PBX3: variants seen among roughly 807,000 people sequenced by gnomAD.
PBX3 encodes the protein pre-B-cell leukemia transcription factor 3.
In PBX3, 14 loss-of-function variants were observed where a neutral mutation model predicts 48.5. That is an observed-to-expected ratio of 0.29 (90% CI 0.19 to 0.45). The LOEUF (loss-of-function observed/expected upper bound fraction) is 0.45, where lower values mean the gene tolerates loss of function less well. PBX3 is among the 20% of genes least tolerant of loss of function. PBX3 has a pLI of 1.00. For missense variants in PBX3, 386 were observed against 546.7 expected (o/e 0.71, Z 2.93); for synonymous variants, 210 against 200.3 (o/e 1.05, Z -0.41).
intron 5 of PBX3, among the ~76,000 whole-genome samples, chr9:125,955,634 G>A (rs1842289490): frequency 6.6e-6 from 1 of 152,156 alleles, no homozygotes; most frequent in Non-Finnish European, 1.5e-5. Flanking sequence ...TTCAATAAAA[G>A]CACTATGGAA....
At chr9:125,840,515 A>G (rs1007166339) in intron 2 of PBX3, among the ~76,000 whole-genome samples, 20 of 151,502 alleles carry the variant, frequency 1.3e-4, no homozygotes, top group South Asian at 6.2e-4. Flanking sequence ...CACACCTTCC[A>G]TCCCTTAGCT....
intron 3 of PBX3, among the ~76,000 whole-genome samples, chr9:125,929,015 A>G (rs564619141): frequency 6.6e-6 from 1 of 152,286 alleles, no homozygotes; most frequent in East Asian, 1.9e-4. Context: ...CTTGCAACAT[A>G]CTGTTATTTC....
chr9:125,871,447 A>C (rs1840123513), intron 2 of PBX3, among the ~76,000 whole-genome samples: 1 of 152,182 alleles, frequency 6.6e-6, no homozygotes, highest in Non-Finnish European at 1.5e-5. Context: ...ACAATAATGA[A>C]TAGGTCAACA....
chr9:125,788,343 A>G (rs569515574), intron 2 of PBX3, among the ~76,000 whole-genome samples: 3 of 152,342 alleles, frequency 2.0e-5, no homozygotes, highest in African/African-American at 4.8e-5. Context: ...GATAATTGAT[A>G]TAGTGTGCTC....
chr9:125,923,076 A>G (rs1371873999), intron 3 of PBX3, among the ~76,000 whole-genome samples: 1 of 152,262 alleles, frequency 6.6e-6, no homozygotes, highest in Non-Finnish European at 1.5e-5. Flanking sequence ...CAGCATTTGC[A>G]TTCATAGATG....
intron 2 of PBX3, among the ~76,000 whole-genome samples, chr9:125,846,413 A>G (rs919853348): frequency 3.3e-5 from 5 of 152,104 alleles, no homozygotes; most frequent in Non-Finnish European, 5.9e-5. Flanking sequence ...GAGCTTAAAA[A>G]GATTTATTTT....
At chr9:125,875,418 T>C (rs919694346) in intron 2 of PBX3, among the ~76,000 whole-genome samples, 4 of 152,154 alleles carry the variant, frequency 2.6e-5, no homozygotes, top group Non-Finnish European at 5.9e-5. Context: ...GACATTTCAG[T>C]TGTCTTTTGG....
rs1842541257 is a variant in PBX3 at position 125,966,722 on chromosome 9, T to C, written c.*799T>C. 6.6e-6 allele frequency: 1 copy of C among 152,666 alleles called. No individual in the cohort carries two copies. Among genetic ancestry groups the C allele is most frequent in the Non-Finnish European group, 1.5e-5 (1 of 68,068 alleles). 9.5% of individuals were successfully genotyped at this position (152,666 alleles called of 1,614,324 possible). On this transcript the variant is annotated 3_prime_UTR_variant, in exon 9 of 9. Coordinates refer to ENST00000373489, the MANE Select transcript of PBX3 (RefSeq NM_006195.6). ...GCTCTCTGGAGTGTTGTATATAGTG[T>C]AGCAAAAGAGTATTTATACATCCCA...
chr9:125,749,172 A>G (rs12235865), intron 2 of PBX3: 3,036 of 153,486 alleles, frequency 0.02, 170 homozygotes, highest in East Asian at 0.17. Flanking sequence ...GATGTATTAC[A>G]TCTGTTAATA....
intron 2 of PBX3, among the ~76,000 whole-genome samples, chr9:125,767,954 A>G (rs1162759160): frequency 6.6e-6 from 1 of 151,706 alleles, no homozygotes; most frequent in Non-Finnish European, 1.5e-5. Context: ...GGACTAGAGA[A>G]AAAGGCTGGC....
intron 2 of PBX3, among the ~76,000 whole-genome samples, chr9:125,793,363 AAAAAT>A (rs1426978680): frequency 1.1e-5 from 1 of 91,678 alleles, no homozygotes; most frequent in African/African-American, 3.8e-5. Flanking sequence ...GGGGGAAAAA[AAAAAT>A]ATATATATAT....
intron 2 of PBX3, among the ~76,000 whole-genome samples, chr9:125,867,795 CATATATATACACAT>C (rs1474662244): frequency 2.6e-5 from 4 of 151,864 alleles, no homozygotes; most frequent in East Asian, 3.9e-4. Flanking sequence ...TATACACACA[CATATATATACACAT>C]ATATATATAC....
chr9:125,961,411 A>G (rs1015232528), intron 6 of PBX3, among the ~76,000 whole-genome samples: 35 of 152,192 alleles, frequency 2.3e-4, no homozygotes, highest in African/African-American at 7.5e-4. Flanking sequence ...CGTCCGGTAC[A>G]TTTTGGCTGC....
chr9:125,889,568 T>A (rs1424119105), intron 2 of PBX3, among the ~76,000 whole-genome samples: 1 of 152,158 alleles, frequency 6.6e-6, no homozygotes, highest in Non-Finnish European at 1.5e-5. Context: ...TTGCAATGAG[T>A]CCCTGACAGG....
rs369249160 is a variant in PBX3 at position 125,803,285 on chromosome 9, A to G, written c.274+54662A>G. Among the ~76,000 whole-genome samples, 16 of 149,922 alleles carry G rather than the reference A, an allele frequency of 1.1e-4. No homozygotes were observed. In the South Asian group the frequency reaches 3.0e-3, roughly 28 times the overall value. On this transcript the variant is annotated intron_variant, in intron 2 of 8. Coordinates refer to ENST00000373489, the MANE Select transcript of PBX3 (RefSeq NM_006195.6). ...GTATTTTTAGTAGAGACGGGGTTTC[A>G]TCATGTTGGCCAGGCTGGTCTTGAA...
intron 2 of PBX3, among the ~76,000 whole-genome samples, chr9:125,819,476 G>A (rs1838583080): frequency 6.6e-6 from 1 of 151,848 alleles, no homozygotes; most frequent in Non-Finnish European, 1.5e-5. Context: ...GGTGAGTCAA[G>A]ATCATGCCAT....
At chr9:125,880,898 C>T (rs893291635) in intron 2 of PBX3, among the ~76,000 whole-genome samples, 19 of 151,974 alleles carry the variant, frequency 1.3e-4, no homozygotes, top group African/African-American at 4.4e-4. Flanking sequence ...AAAAAACTGT[C>T]TTATTGAATA....
At chr9:125,892,675 C>T (rs555416496) in intron 2 of PBX3, among the ~76,000 whole-genome samples, 121 of 152,306 alleles carry the variant, frequency 7.9e-4, no homozygotes, top group Middle Eastern at 3.4e-3. Context: ...ATTTCATCCC[C>T]AATCTGTGTT....
intron 2 of PBX3, among the ~76,000 whole-genome samples, chr9:125,789,690 A>G (rs570884338): frequency 6.6e-6 from 1 of 152,260 alleles, no homozygotes; most frequent in African/African-American, 2.4e-5. Flanking sequence ...GGAGGCTACT[A>G]CATAGGGTGT....
Sources: allele counts gnomAD v4.1 joint callset (sites outside exome capture counted in the v4.1 genomes callset), GRCh38; gene constraint gnomAD v4.1.1; transcripts MANE v1.5; gene names NCBI Gene and HGNC (gene_info 2026-07-23, HGNC 2026-07-21).